RBFOX2: variants seen among roughly 807,000 people sequenced by gnomAD.
RBFOX2 encodes RNA binding fox-1 homolog 2.
RBFOX2 carries 10 observed loss-of-function variants against 49.1 expected under a neutral mutation model. That is an observed-to-expected ratio of 0.20 (90% CI 0.13 to 0.35). RBFOX2 has a LOEUF of 0.35. Ranked by LOEUF, RBFOX2 falls within the 10% of genes least tolerant of loss-of-function variation. The probability of loss-of-function intolerance (pLI) is 1.00; values close to 1 mark genes in which losing one functional copy is unlikely to be tolerated. For missense variants in RBFOX2, 323 were observed against 486.9 expected (o/e 0.66, Z 3.17); for synonymous variants, 183 against 187.4 (o/e 0.98, Z 0.19).
intron 9 of RBFOX2, among the ~76,000 whole-genome samples, chr22:35,756,385 A>G (rs1168558409): frequency 6.6e-6 from 1 of 152,158 alleles, no homozygotes; most frequent in Admixed American, 6.5e-5. Context: ...CGCAACCTGG[A>G]TATTTGGTAA....
At chr22:35,949,329 T>C (rs2054653457) in intron 1 of RBFOX2, among the ~76,000 whole-genome samples, 1 of 152,252 alleles carries the variant, frequency 6.6e-6, no homozygotes, top group African/African-American at 2.4e-5. Context: ...CTATTGTGAA[T>C]AAAGCTGCTA....
chr22:35,796,056 C>G (rs1469570319), intron 2 of RBFOX2, among the ~76,000 whole-genome samples: 1 of 152,160 alleles, frequency 6.6e-6, no homozygotes, highest in Non-Finnish European at 1.5e-5. Context: ...CCAGGCTAGT[C>G]TCTAACTCCT....
chr22:35,847,655 G>T (rs776815493), intron 1 of RBFOX2, among the ~76,000 whole-genome samples: 39 of 150,892 alleles, frequency 2.6e-4, no homozygotes, highest in Admixed American at 6.0e-4. Context: ...ATTTAAAATT[G>T]TTTTTTTTTA....
chr22:35,757,428 T>G (rs1937323725), intron 9 of RBFOX2, among the ~76,000 whole-genome samples: 1 of 152,176 alleles, frequency 6.6e-6, no homozygotes, highest in Non-Finnish European at 1.5e-5. Flanking sequence ...TTGTTTTAAT[T>G]TAGATGATCT....
chr22:35,853,285 C>T (rs2042142357), intron 1 of RBFOX2, among the ~76,000 whole-genome samples: 1 of 142,258 alleles, frequency 7.0e-6, no homozygotes, highest in African/African-American at 2.8e-5. Flanking sequence ...CAAAGTGAGC[C>T]TCTGTCTAAA....
exon 1 of RBFOX2, chr22:35,840,193 T>A (rs1205096025): frequency 6.2e-7 from 1 of 1,614,084 alleles, no homozygotes; most frequent in South Asian, 1.1e-5. Flanking sequence ...AAATCTTACC[T>A]GAGTTACCAT....
intron 1 of RBFOX2, among the ~76,000 whole-genome samples, chr22:36,001,596 C>A (rs956641276): frequency 6.6e-6 from 1 of 151,880 alleles, no homozygotes; most frequent in Admixed American, 6.6e-5. Flanking sequence ...CCTGTTTCTA[C>A]AAAAAATAAT....
At chr22:35,748,717 T>A (rs1446094525) in intron 9 of RBFOX2, 3 of 152,174 alleles carry the variant, frequency 2.0e-5, no homozygotes, top group Non-Finnish European at 4.4e-5. Flanking sequence ...ATTAAAAAAA[T>A]TTTAAAGTTA....
chr22:35,741,328 T>C (rs1287602100), exon 12 of RBFOX2: 1 of 152,248 alleles, frequency 6.6e-6, no homozygotes, highest in Non-Finnish European at 1.5e-5. Flanking sequence ...TGATTTAGCA[T>C]CAGTAAGTTT....
At chr22:35,873,137 T>C (rs540792075) in intron 1 of RBFOX2, among the ~76,000 whole-genome samples, 54 of 152,198 alleles carry the variant, frequency 3.5e-4, no homozygotes, top group African/African-American at 1.2e-3. Flanking sequence ...ACTGAATTGG[T>C]TGTTTCTTTT....
intron 1 of RBFOX2, among the ~76,000 whole-genome samples, chr22:35,875,541 T>C (rs2044918340): frequency 6.6e-6 from 1 of 151,062 alleles, no homozygotes; most frequent in African/African-American, 2.4e-5. Flanking sequence ...CTTACAAAAG[T>C]AACATATCCT....
At position 35,935,508 on chromosome 22, in the gene RBFOX2, T is replaced by C. The variant is rs554841486; in HGVS notation, c.-34+3339A>G. Among the ~76,000 whole-genome samples the C allele has an allele frequency of 2.0e-5, 3 of 152,310 alleles. No homozygotes were observed. In the East Asian group the frequency reaches 5.8e-4, roughly 29 times the overall value. On this transcript the variant is annotated intron_variant, in intron 1 of 13. Transcript: ENST00000359369. Reference sequence around the variant, plus strand: ...CTTCAGGTGTTTAACTCCAATGTGCTATTGGGACTGTATATAACATGACAA... The same window carrying C: ...CTTCAGGTGTTTAACTCCAATGTGCCATTGGGACTGTATATAACATGACAA...
intron 1 of RBFOX2, among the ~76,000 whole-genome samples, chr22:36,019,619 A>T (rs1019473239): frequency 2.0e-5 from 3 of 152,244 alleles, no homozygotes; most frequent in Non-Finnish European, 4.4e-5. Context: ...TAGCTCATTC[A>T]TTTGGTAAAT....
chr22:35,954,700 A>G (rs2055350430), intron 1 of RBFOX2, among the ~76,000 whole-genome samples: 1 of 152,186 alleles, frequency 6.6e-6, no homozygotes, highest in Non-Finnish European at 1.5e-5. Flanking sequence ...GCAAACATTT[A>G]CTGAGGGACG....
intron 1 of RBFOX2, among the ~76,000 whole-genome samples, chr22:35,863,412 G>A (rs375367132): frequency 2.0e-5 from 3 of 152,052 alleles, no homozygotes; most frequent in Admixed American, 6.6e-5. Context: ...TAACAGTACC[G>A]AAAAACAATA....
At chr22:35,838,218 A>G (rs953461272) in intron 1 of RBFOX2, among the ~76,000 whole-genome samples, 2 of 151,918 alleles carry the variant, frequency 1.3e-5, no homozygotes, top group African/African-American at 2.4e-5. Context: ...AACAGGATTT[A>G]TCTTTTATGT....
intron 9 of RBFOX2, among the ~76,000 whole-genome samples, chr22:35,753,158 T>A (rs1409526017): frequency 6.6e-6 from 1 of 152,248 alleles, no homozygotes; most frequent in African/African-American, 2.4e-5. Context: ...GCACTTTTCA[T>A]ACTAAACTCT....
intron 1 of RBFOX2, among the ~76,000 whole-genome samples, chr22:36,006,304 G>C (rs1300084830): frequency 6.6e-6 from 1 of 152,166 alleles, no homozygotes; most frequent in East Asian, 1.9e-4. Flanking sequence ...CAGAACATAA[G>C]ATTCAAGTTG....
At chr22:35,993,300 C>T (rs1466298376) in intron 1 of RBFOX2, 1 of 152,190 alleles carries the variant, frequency 6.6e-6, no homozygotes, top group East Asian at 1.9e-4. Context: ...CTCTGACCAT[C>T]ATCAGAGGCA....
Sources: allele counts gnomAD v4.1 joint callset (sites outside exome capture counted in the v4.1 genomes callset), GRCh38; gene constraint gnomAD v4.1.1; transcripts MANE v1.5; gene names NCBI Gene and HGNC (gene_info 2026-07-23, HGNC 2026-07-21).